COL21A1: variants seen among roughly 807,000 people sequenced by gnomAD.
The protein encoded by COL21A1 is collagen type XXI alpha 1 chain.
A neutral mutation model predicts 137.9 loss-of-function variants in COL21A1; 149 were observed. That is an observed-to-expected ratio of 1.08 (90% CI 0.95 to 1.24). The LOEUF is 1.24. Among genes scored for constraint, COL21A1 ranks in the 50% most tolerant of loss-of-function variants. COL21A1 has a pLI of 0.00. For missense variants in COL21A1, 1,167 were observed against 1,158.4 expected (o/e 1.01, Z -0.11); for synonymous variants, 456 against 391.5 (o/e 1.16, Z -1.95).
chr6:56,100,001 C>A (rs900011465), intron 17 of COL21A1, among the ~76,000 whole-genome samples: 1 of 152,160 alleles, frequency 6.6e-6, no homozygotes, highest in Admixed American at 6.5e-5. Context: ...TTACTATGTT[C>A]TCTTTTTTTC....
At chr6:56,306,969 G>A (rs1764476531) in intron 1 of COL21A1, among the ~76,000 whole-genome samples, 2 of 152,160 alleles carry the variant, frequency 1.3e-5, no homozygotes, top group African/African-American at 2.4e-5. Context: ...CAGGTCTGTT[G>A]GAGTTTGCTG....
At chr6:56,182,971 A>G (rs948169637) in intron 1 of COL21A1, among the ~76,000 whole-genome samples, 2 of 152,148 alleles carry the variant, frequency 1.3e-5, no homozygotes, top group Non-Finnish European at 2.9e-5. Context: ...ACCTTATCTC[A>G]TTCTTTTTAC....
chr6:56,363,132 G>A (rs934723329), intron 1 of COL21A1, among the ~76,000 whole-genome samples: 1 of 152,158 alleles, frequency 6.6e-6, no homozygotes, highest in African/African-American at 2.4e-5. Flanking sequence ...CCAAGAAATG[G>A]AGAGACAAAT....
At chr6:56,182,683 A>C (rs1214157977) in intron 1 of COL21A1, 27 bp from the exon 2 acceptor site, 1 of 1,005,570 alleles carries the variant, frequency 9.9e-7, no homozygotes, top group African/African-American at 1.6e-5. Context: ...GGCAAGTTAA[A>C]TATATTAATT....
chr6:56,368,651 G>A (rs771641507), intron 1 of COL21A1, among the ~76,000 whole-genome samples: 13 of 152,070 alleles, frequency 8.5e-5, no homozygotes, highest in Admixed American at 7.2e-4. Context: ...CATTCCTTTT[G>A]TTTCAGAGTT....
chr6:56,357,945 T>C (rs917599486), intron 1 of COL21A1, among the ~76,000 whole-genome samples: 8 of 152,168 alleles, frequency 5.3e-5, no homozygotes, highest in African/African-American at 1.9e-4. Context: ...ATAGACTGAA[T>C]GCAAAAAACG....
chr6:56,216,094 T>C (rs763222484), intron 1 of COL21A1, among the ~76,000 whole-genome samples: 1 of 152,100 alleles, frequency 6.6e-6, no homozygotes, highest in Admixed American at 6.6e-5. Flanking sequence ...TTCACAATGG[T>C]GATAGATTTA....
Position 56,077,527 on chromosome 6 carries a change from A to G in COL21A1, c.1857+2T>C. The stretch of plus-strand genomic sequence containing the variant: ...CCAAAGCTAACTCTCATGAATACTT[A>G]CCTTTTGGCCCATTAATCCTCGGTT... On this transcript the variant is annotated splice_donor_variant, in intron 18 of 29. Coordinates refer to ENST00000244728, the MANE Select transcript of COL21A1 (RefSeq NM_030820.4). LOFTEE classifies it high-confidence loss of function. 1 of 1,573,922 alleles carries G rather than the reference A, an allele frequency of 6.4e-7. No homozygotes were observed. Among genetic ancestry groups the G allele is most frequent in the Non-Finnish European group, 8.6e-7 (1 of 1,157,370 alleles).
chr6:56,057,660 A>G lies in COL21A1; in HGVS notation c.2871T>C (p.Tyr957=), dbSNP rs1332968799. 11 of 1,612,716 alleles carry G rather than the reference A, an allele frequency of 6.8e-6. No homozygotes were observed. The highest frequency in any genetic ancestry group is 1.3e-5 in the African/African-American group (1 of 74,862). ...CTGCTGAATGAGGCATCAGACACTA[A>G]TAGTTTGGTCCTTTTCTGAACGGAT... ...RRDPFRKGPN[Y] is the part of the protein sequence containing the mutation. The change falls in exon 30 of 30, where the codon TAT becomes TAC. Residue 957 remains tyrosine, a synonymous_variant. Transcript: ENST00000244728.
At chr6:56,268,671 T>A (rs1444101570) in intron 1 of COL21A1, among the ~76,000 whole-genome samples, 2 of 152,262 alleles carry the variant, frequency 1.3e-5, no homozygotes, top group South Asian at 2.1e-4. Context: ...TAAAGGAACA[T>A]CAGCCCTCTC....
chr6:56,240,022 A>T (rs1782181262), intron 1 of COL21A1, among the ~76,000 whole-genome samples: 1 of 152,142 alleles, frequency 6.6e-6, no homozygotes, highest in Non-Finnish European at 1.5e-5. Context: ...AGTCTCAGGA[A>T]TCTGATGGTA....
chr6:56,379,909 T>C (rs2094005943), intron 1 of COL21A1, among the ~76,000 whole-genome samples: 1 of 152,216 alleles, frequency 6.6e-6, no homozygotes, highest in South Asian at 2.1e-4. Context: ...GTTGAGCATC[T>C]GTTCATATAT....
intron 3 of COL21A1, among the ~76,000 whole-genome samples, chr6:56,177,259 T>A (rs905869149): frequency 1.3e-5 from 2 of 152,148 alleles, no homozygotes; most frequent in Admixed American, 1.3e-4. Context: ...TAAACTGTGG[T>A]AAATATTATT....
At chr6:56,126,661 CA>C (rs1256348224) in intron 12 of COL21A1, 1 of 152,098 alleles carries the variant, frequency 6.6e-6, no homozygotes, top group Non-Finnish European at 1.5e-5. Context: ...AAGTTTTCTC[CA>C]AAAGAGAAAA....
At chr6:56,128,190 A>C (rs1773205676) in intron 12 of COL21A1, among the ~76,000 whole-genome samples, 1 of 152,146 alleles carries the variant, frequency 6.6e-6, no homozygotes, top group South Asian at 2.1e-4. Context: ...GGTTAAGCTC[A>C]ATGGTGTGAT....
chr6:56,267,505 C>T (rs189727181), intron 1 of COL21A1, among the ~76,000 whole-genome samples: 1 of 151,992 alleles, frequency 6.6e-6, no homozygotes, highest in Admixed American at 6.5e-5. Flanking sequence ...GCCTGTAATC[C>T]CAGCACTTTG....
At chr6:56,278,554 T>G (rs1192372701) in intron 1 of COL21A1, among the ~76,000 whole-genome samples, 1 of 152,230 alleles carries the variant, frequency 6.6e-6, no homozygotes, top group Non-Finnish European at 1.5e-5. Context: ...CCATTCCCTT[T>G]TTTCCTTTCC....
chr6:56,096,549 T>A (rs1033200087), intron 17 of COL21A1, among the ~76,000 whole-genome samples: 1 of 152,210 alleles, frequency 6.6e-6, no homozygotes, highest in Middle Eastern at 3.2e-3. Context: ...GATTGACAAA[T>A]ACTAGCTTTC....
upstream of COL21A1, among the ~76,000 whole-genome samples, chr6:56,248,201 C>T (rs1782751658): frequency 6.6e-6 from 1 of 152,316 alleles, no homozygotes; most frequent in Admixed American, 6.5e-5. Flanking sequence ...CATTCATATG[C>T]TTTCCCTATT....
Sources: gnomAD v4.1 joint callset for allele counts (sites outside exome capture counted in the v4.1 genomes callset) on GRCh38, gnomAD v4.1.1 for gene constraint, MANE v1.5 for transcripts, NCBI Gene and HGNC (gene_info 2026-07-23, HGNC 2026-07-21) for gene names.